Variants in SUMO2 observed in about 807,000 individuals in gnomAD.
SUMO2 encodes the protein small ubiquitin like modifier 2, also known as small ubiquitin-related modifier 2.
In SUMO2, 1 loss-of-function variant was observed where a neutral mutation model predicts 16.0. The observed-to-expected ratio is 0.06, with a 90% CI of 0.02 to 0.30. SUMO2 has a LOEUF of 0.30. Ranked by LOEUF, SUMO2 falls within the 10% of genes least tolerant of loss-of-function variation. The pLI, the probability that SUMO2 is intolerant of heterozygous loss-of-function variation, is 1.00. For missense variants in SUMO2, 16 were observed against 117.5 expected (o/e 0.14, Z 3.99); for synonymous variants, 36 against 40.6 (o/e 0.89, Z 0.43).
intron 3 of SUMO2, among the ~76,000 whole-genome samples, chr17:75,174,462 G>T (rs1429723888): frequency 6.6e-6 from 1 of 152,188 alleles, no homozygotes; most frequent in Non-Finnish European, 1.5e-5. Context: ...ACTTTGGGAG[G>T]CCAAGGCTGC....
chr17:75,177,988 C>CAAAA (rs59613076), intron 2 of SUMO2, among the ~76,000 whole-genome samples: 1,942 of 66,178 alleles, frequency 0.029, 172 homozygotes, highest in African/African-American at 0.063. Context: ...GACTCCGTCT[C>CAAAA]AAAAAAAAAA....
chr17:75,178,027 A>G (rs922040703), intron 2 of SUMO2, among the ~76,000 whole-genome samples: 1 of 142,126 alleles, frequency 7.0e-6, no homozygotes, highest in African/African-American at 2.6e-5. Flanking sequence ...GCCCAGTGGC[A>G]CAAGCCTATA....
At position 75,168,041 on chromosome 17, in the gene SUMO2, TG is replaced by T. The variant is rs1183265136; in HGVS notation, c.*297del. 4.1e-6 allele frequency: 1 copy of T among 245,956 alleles called. No individual in the cohort carries two copies. The highest frequency in any genetic ancestry group is 7.7e-6 in the Non-Finnish European group (1 of 130,344). 15.2% of individuals were successfully genotyped at this position (245,956 alleles called of 1,614,324 possible). A position where few individuals can be genotyped will look rare whatever the true frequency, so the allele number is the denominator to read the frequency against. The stretch of plus-strand genomic sequence containing the variant: ...AAGAGCTGAATGAGCATGCCACTAA[TG>T]GAGAAAGGGGGTATTTTCACAGAAT... On this transcript the variant is annotated 3_prime_UTR_variant, in exon 4 of 4. Transcript: ENST00000420826.
At chr17:75,175,327 T>C (rs1167459231) in intron 2 of SUMO2, among the ~76,000 whole-genome samples, 1 of 151,440 alleles carries the variant, frequency 6.6e-6, no homozygotes, top group African/African-American at 2.4e-5. Context: ...TTTTTCCTTT[T>C]CTTTTTTTTT....
Position 75,168,377 on chromosome 17 carries a change from T to C in SUMO2, c.250A>G (p.Ile84Val). 2 of 1,608,132 alleles carry C rather than the reference T, an allele frequency of 1.2e-6. No individual in the cohort carries two copies. The highest frequency in any genetic ancestry group is 1.7e-6 in the Non-Finnish European group (2 of 1,177,480). ...AQLEMEDEDT[I>V]DVFQQQTGGV... ...CCCGTCTGCTGTTGGAACACATCAATTGTATCTTCATCCTCCATTTCCAAC... is the reference window on the plus strand; with the variant it reads ...CCCGTCTGCTGTTGGAACACATCAACTGTATCTTCATCCTCCATTTCCAAC... Residue 84 changes from isoleucine to valine, a missense_variant, in exon 4 of 4, where the codon ATT (isoleucine) becomes GTT (valine). Ile to Val is a conservative substitution (Grantham distance 29, BLOSUM62 3). Coordinates refer to ENST00000420826, the MANE Select transcript of SUMO2 (RefSeq NM_006937.4).
chr17:75,168,811 G>A (rs1395475708), intron 3 of SUMO2, among the ~76,000 whole-genome samples: 1 of 152,148 alleles, frequency 6.6e-6, no homozygotes, highest in East Asian at 1.9e-4. Context: ...CGTCATGTTG[G>A]CCAGGCTGGT....
chr17:75,169,870 G>C (rs1200833615), intron 3 of SUMO2, among the ~76,000 whole-genome samples: 1 of 149,002 alleles, frequency 6.7e-6, no homozygotes, highest in Non-Finnish European at 1.5e-5. Flanking sequence ...AAAAGGTGGG[G>C]GGGGGCGGGT....
At chr17:75,176,513 G>A (rs556090595) in intron 2 of SUMO2, among the ~76,000 whole-genome samples, 2 of 152,140 alleles carry the variant, frequency 1.3e-5, no homozygotes, top group South Asian at 4.1e-4. Context: ...CTATTCGGGA[G>A]GCTGAGGCAG....
Position 75,182,936 on chromosome 17 carries a change from C to A in SUMO2, c.-102G>T, listed in dbSNP as rs1266933959. ...CACCAGGAGCGGCAGAAGAAGGAGG[C>A]GGCAGCGGTGGACGAGGGGAGAGGG... On this transcript the variant is annotated 5_prime_UTR_variant, in exon 1 of 4. Coordinates refer to ENST00000420826, the MANE Select transcript of SUMO2 (RefSeq NM_006937.4). 13 of 1,066,390 alleles carry A rather than the reference C, an allele frequency of 1.2e-5. No individual in the cohort carries two copies. The highest frequency in any genetic ancestry group is 4.9e-6 in the Non-Finnish European group (4 of 819,444). 66.1% of individuals were successfully genotyped at this position (1,066,390 alleles called of 1,614,324 possible).
intron 2 of SUMO2, among the ~76,000 whole-genome samples, chr17:75,175,260 G>A (rs889880057): frequency 6.6e-6 from 1 of 151,906 alleles, no homozygotes; most frequent in Non-Finnish European, 1.5e-5. Flanking sequence ...TGGGATTACA[G>A]GAGTGAGCCA....
intron 2 of SUMO2, among the ~76,000 whole-genome samples, chr17:75,179,021 C>T (rs2074806070): frequency 6.6e-6 from 1 of 152,152 alleles, no homozygotes; most frequent in South Asian, 2.1e-4. Flanking sequence ...CAGCCTTGGC[C>T]TCCCAAAGTG....
intron 2 of SUMO2, among the ~76,000 whole-genome samples, chr17:75,177,349 G>C (rs1056699803): frequency 7.3e-5 from 11 of 151,400 alleles, no homozygotes; most frequent in Non-Finnish European, 1.0e-4. Context: ...CTGGGCAACA[G>C]AGCAAGACTC....
rs2074695893 is a variant in SUMO2 at position 75,166,711 on chromosome 17, AG to A, written c.*1627del. 6.6e-6 allele frequency: 1 copy of A among 152,248 alleles called. No individual in the cohort carries two copies. Among genetic ancestry groups the A allele is most frequent in the Non-Finnish European group, 1.5e-5 (1 of 68,218 alleles). The allele number at this position is 152,248 out of a possible 1,614,324, so 9.4% of individuals were successfully genotyped here. ...GCAGGGAGGATCTCTTAAGACCTGGAGGTGGAGGTTGCAGTGAGCCAAGATC... is the reference window on the plus strand; with the variant it reads ...GCAGGGAGGATCTCTTAAGACCTGGAGTGGAGGTTGCAGTGAGCCAAGATC... On this transcript the variant is annotated 3_prime_UTR_variant, in exon 4 of 4. Transcript: ENST00000420826.
chr17:75,182,894 A>G lies in SUMO2; in HGVS notation c.-60T>C, dbSNP rs895590097. 12 of 1,304,604 alleles carry G rather than the reference A, an allele frequency of 9.2e-6. 1 individual carries two copies. The South Asian group carries it at 2.9e-4, about 31-fold the overall frequency. The allele number at this position is 1,304,604 out of a possible 1,614,324, so 80.8% of individuals were successfully genotyped here. On this transcript the variant is annotated 5_prime_UTR_variant, in exon 1 of 4. Coordinates refer to ENST00000420826, the MANE Select transcript of SUMO2 (RefSeq NM_006937.4). ...CAAAAGAGGTACCAGGTCCGCACCAAACGAGCACACAAGCAGCACCAGGAG... is the reference window on the plus strand; with the variant it reads ...CAAAAGAGGTACCAGGTCCGCACCAGACGAGCACACAAGCAGCACCAGGAG...
At chr17:75,178,367 G>A (rs11657010) in intron 2 of SUMO2, among the ~76,000 whole-genome samples, 148,794 of 151,696 alleles carry the variant, frequency 0.98, 73,053 homozygotes, top group East Asian at 1. Context: ...TACAAAAATT[G>A]GCTGGGCACG....
intron 2 of SUMO2, 118 bp downstream of exon 2, chr17:75,180,939 G>T: frequency 8.5e-7 from 1 of 1,170,254 alleles, no homozygotes; most frequent in Non-Finnish European, 1.2e-6. Flanking sequence ...GACGTGCCAA[G>T]TGCATATTCA....
intron 3 of SUMO2, among the ~76,000 whole-genome samples, chr17:75,171,745 T>TTA (rs1279931943): frequency 3.9e-5 from 6 of 152,080 alleles, no homozygotes; most frequent in African/African-American, 7.2e-5. Context: ...GTAACTACTA[T>TTA]AGCAGATAAT....
intron 1 of SUMO2, among the ~76,000 whole-genome samples, chr17:75,182,007 G>C (rs1174006179): frequency 6.6e-6 from 1 of 152,118 alleles, no homozygotes. Flanking sequence ...AAAGCAGCAA[G>C]TCCCGTGTGC....
chr17:75,169,230 T>G (rs1230523056), intron 3 of SUMO2, among the ~76,000 whole-genome samples: 1 of 151,738 alleles, frequency 6.6e-6, no homozygotes, highest in Non-Finnish European at 1.5e-5. Flanking sequence ...AAAGATCCTG[T>G]ATCAAAAAAA....
Sources: gnomAD v4.1 joint callset for allele counts (sites outside exome capture counted in the v4.1 genomes callset) on GRCh38, gnomAD v4.1.1 for gene constraint, MANE v1.5 for transcripts, NCBI Gene and HGNC (gene_info 2026-07-23, HGNC 2026-07-21) for gene names.